VIPR1: variants seen among roughly 807,000 people sequenced by gnomAD.
VIPR1 encodes vasoactive intestinal peptide receptor 1, also known as vasoactive intestinal polypeptide receptor 1.
A neutral mutation model predicts 58.8 loss-of-function variants in VIPR1; 59 were observed. The ratio of observed to expected loss-of-function variants is 1.00; its 90% CI spans 0.81 to 1.25. The LOEUF is 1.25. VIPR1 is among the 50% of genes most tolerant of loss of function. VIPR1 has a pLI of 0.00. For missense variants in VIPR1, 626 were observed against 602.7 expected (o/e 1.04, Z -0.40); for synonymous variants, 251 against 242.1 (o/e 1.04, Z -0.34).
chr3:42,502,417 C>T (rs556936386), upstream of VIPR1, among the ~76,000 whole-genome samples: 4 of 152,284 alleles, frequency 2.6e-5, no homozygotes, highest in East Asian at 3.9e-4. Flanking sequence ...CCCGGAGGGG[C>T]GAAGGCCTAT....
In VIPR1 at chr3:42,530,767, C is replaced by T. The variant is rs765137066; in HGVS notation, c.637-12C>T. On this transcript the variant is annotated splice_polypyrimidine_tract_variant and intron_variant, in intron 6 of 12. Transcript: ENST00000325123. ...GCCCCAGTGAACCCCGTCTTTTCTCCTCCCCCTGCAGGTGGGCTGTAAGGC... is the reference window on the plus strand; with the variant it reads ...GCCCCAGTGAACCCCGTCTTTTCTCTTCCCCCTGCAGGTGGGCTGTAAGGC... 6.8e-6 allele frequency: 11 copies of T among 1,613,216 alleles called. No homozygotes were observed. The highest frequency in any genetic ancestry group is 3.3e-5 in the South Asian group (3 of 91,036).
At chr3:42,514,928 C>CA (rs1559485017) in intron 2 of VIPR1, among the ~76,000 whole-genome samples, 1 of 152,206 alleles carries the variant, frequency 6.6e-6, no homozygotes, top group Non-Finnish European at 1.5e-5. Context: ...TTTGGAGAAA[C>CA]AGAGAGTCTG....
At chr3:42,511,547 A>G (rs1445392429) in intron 1 of VIPR1, among the ~76,000 whole-genome samples, 1 of 152,186 alleles carries the variant, frequency 6.6e-6, no homozygotes, top group East Asian at 1.9e-4. Context: ...AGAAGAGAGT[A>G]AAGGATGGTG....
intron 1 of VIPR1, among the ~76,000 whole-genome samples, chr3:42,491,076 A>C (rs912824041): frequency 2.0e-5 from 3 of 152,200 alleles, no homozygotes; most frequent in Non-Finnish European, 4.4e-5. Flanking sequence ...CACAAGCAGC[A>C]AACTTTGACA....
At chr3:42,496,327 A>G (rs1490730854) in intron 1 of VIPR1, among the ~76,000 whole-genome samples, 1 of 152,200 alleles carries the variant, frequency 6.6e-6, no homozygotes, top group African/African-American at 2.4e-5. Context: ...CCTGGACATG[A>G]TTTACACTTT....
intron 1 of VIPR1, among the ~76,000 whole-genome samples, chr3:42,497,466 A>G (rs908401884): frequency 2.0e-5 from 3 of 152,120 alleles, no homozygotes; most frequent in African/African-American, 7.2e-5. Flanking sequence ...ACACACACGC[A>G]CACACACACG....
rs905195954 is a variant in VIPR1 at position 42,513,872 on chromosome 3, A to C, written c.184+18A>C. The C allele has an allele frequency of 1.3e-6, 2 of 1,550,590 alleles. No individual in the cohort carries two copies. Among genetic ancestry groups the C allele is most frequent in the Admixed American group, 3.9e-5 (2 of 50,970 alleles). On this transcript the variant is annotated intron_variant, in intron 2 of 12. Transcript: ENST00000325123. ...GACAATAGGTGAGGCCCCCATGGGC[A>C]GAGAGGGGCTGCATGCCCCCAGGGA...
In VIPR1 at chr3:42,502,711, G is replaced by A. The variant is rs1464057349; in HGVS notation, c.-25G>A. ...GCCAGCTCTTTGCCCGCGCGGGGCCGCCCGCCGCGGGCTCAGGGCAGACCA... is the reference window on the plus strand; with the variant it reads ...GCCAGCTCTTTGCCCGCGCGGGGCCACCCGCCGCGGGCTCAGGGCAGACCA... On this transcript the variant is annotated 5_prime_UTR_variant, in exon 1 of 13. Coordinates refer to ENST00000325123, the MANE Select transcript of VIPR1 (RefSeq NM_004624.4). 3.1e-6 allele frequency: 4 copies of A among 1,283,602 alleles called. No individual in the cohort carries two copies. The highest frequency in any genetic ancestry group is 2.6e-5 in the South Asian group (1 of 39,070). The allele number at this position is 1,283,602 out of a possible 1,614,324, so 79.5% of individuals were successfully genotyped here.
At chr3:42,520,978 G>A (rs1254190863) in intron 3 of VIPR1, among the ~76,000 whole-genome samples, 4 of 152,096 alleles carry the variant, frequency 2.6e-5, no homozygotes, top group Non-Finnish European at 4.4e-5. Context: ...TAAGAGATGA[G>A]TTCCTCTGGC....
At chr3:42,522,068 T>C (rs1262973498) in intron 3 of VIPR1, among the ~76,000 whole-genome samples, 1 of 131,114 alleles carries the variant, frequency 7.6e-6, no homozygotes, top group Non-Finnish European at 1.6e-5. Flanking sequence ...TTCATCTGTG[T>C]TTCTACCTTC....
Position 42,530,805 on chromosome 3 carries a change from TTTCCAA to T in VIPR1, c.665_670del (p.Phe222_Gln223del). On this transcript the variant is annotated inframe_deletion, in exon 7 of 13. Transcript: ENST00000325123. The stretch of plus-strand genomic sequence containing the variant: ...TGGGCTGTAAGGCAGCCATGGTCTT[TTTCCAA>T]TATTGTGTCATGGCTAACTTCTTCT... 1 of 1,614,128 alleles carries T rather than the reference TTTCCAA, an allele frequency of 6.2e-7. No homozygotes were observed. Among genetic ancestry groups the T allele is most frequent in the East Asian group, 2.2e-5 (1 of 44,888 alleles).
intron 1 of VIPR1, chr3:42,512,986 TGATCCCTGGCCAGGGTA>T (rs1700435373): frequency 1.0e-6 from 1 of 981,236 alleles, no homozygotes; most frequent in Non-Finnish European, 1.2e-6. Context: ...GGCCCACCCC[TGATCCCTGGCCAGGGTA>T]CAGGGAGGGG....
At chr3:42,520,035 T>C (rs191580534) in intron 3 of VIPR1, among the ~76,000 whole-genome samples, 2 of 152,168 alleles carry the variant, frequency 1.3e-5, no homozygotes, top group Non-Finnish European at 2.9e-5. Context: ...GAGTGGGGAC[T>C]AACTTAAGGC....
At chr3:42,491,527 T>G (rs187536039) in intron 1 of VIPR1, among the ~76,000 whole-genome samples, 1 of 152,328 alleles carries the variant, frequency 6.6e-6, no homozygotes, top group East Asian at 1.9e-4. Context: ...AATACTTTAT[T>G]CACTTCATGT....
chr3:42,505,994 G>A (rs1306752811), intron 1 of VIPR1, among the ~76,000 whole-genome samples: 3 of 152,212 alleles, frequency 2.0e-5, no homozygotes, highest in African/African-American at 7.2e-5. Context: ...GGAGGTAAAG[G>A]TTGTGAAGGT....
chr3:42,529,595 G>C (rs901873197), intron 6 of VIPR1: 2 of 152,308 alleles, frequency 1.3e-5, no homozygotes, highest in Admixed American at 6.5e-5. Context: ...GGGAGTGGTG[G>C]GGGCAGGGGG....
chr3:42,530,850 G>A lies in VIPR1; in HGVS notation c.708G>A (p.Glu236=). The change falls in exon 7 of 13, where the codon GAG becomes GAA. Residue 236 remains glutamate, a synonymous_variant. Transcript: ENST00000325123. ...VMANFFWLLV[E]GLYLYTLLAV... Reference sequence around the variant, plus strand: ...CTAACTTCTTCTGGCTGCTGGTGGAGGGCCTCTACCTGTACACCCTGCTTG... The same window carrying A: ...CTAACTTCTTCTGGCTGCTGGTGGAAGGCCTCTACCTGTACACCCTGCTTG... 3 of 1,614,112 alleles carry A rather than the reference G, an allele frequency of 1.9e-6. No individual in the cohort carries two copies. The highest frequency in any genetic ancestry group is 2.5e-6 in the Non-Finnish European group (3 of 1,179,976).
chr3:42,495,391 G>C (rs1169037904), intron 1 of VIPR1, among the ~76,000 whole-genome samples: 1 of 152,144 alleles, frequency 6.6e-6, no homozygotes, highest in Non-Finnish European at 1.5e-5. Context: ...AAAGTGCTGG[G>C]ATTACAGGCA....
At chr3:42,498,441 C>T (rs1699807485), upstream of VIPR1, among the ~76,000 whole-genome samples, 1 of 152,182 alleles carries the variant, frequency 6.6e-6, no homozygotes, top group Non-Finnish European at 1.5e-5. Flanking sequence ...TTGTCTCTCA[C>T]AGGTCCCCCT....
Sources: allele counts gnomAD v4.1 joint callset (sites outside exome capture counted in the v4.1 genomes callset), GRCh38; gene constraint gnomAD v4.1.1; transcripts MANE v1.5; gene names NCBI Gene and HGNC (gene_info 2026-07-23, HGNC 2026-07-21).